DCP1A: variants seen among roughly 807,000 people sequenced by gnomAD.
The protein encoded by DCP1A is decapping mRNA 1A, also known as mRNA-decapping enzyme 1A.
A neutral mutation model predicts 58.0 loss-of-function variants in DCP1A; 20 were observed. The ratio of observed to expected loss-of-function variants is 0.34; its 90% CI spans 0.24 to 0.50. The LOEUF (loss-of-function observed/expected upper bound fraction) is 0.50. Ranked by LOEUF, DCP1A falls within the 20% of genes least tolerant of loss-of-function variation. The pLI is 0.98. For missense variants in DCP1A, 613 were observed against 712.2 expected (o/e 0.86, Z 1.59); for synonymous variants, 285 against 275.1 (o/e 1.04, Z -0.36).
At chr3:53,329,125 T>C (rs563217044) in intron 3 of DCP1A, 1 of 380,966 alleles carries the variant, frequency 2.6e-6, no homozygotes, top group Non-Finnish European at 4.6e-6. Flanking sequence ...GTAAGGAAAT[T>C]TCTTGCGCTG....
intron 4 of DCP1A, among the ~76,000 whole-genome samples, chr3:53,317,274 T>G (rs1461524666): frequency 6.6e-6 from 1 of 152,184 alleles, no homozygotes; most frequent in Non-Finnish European, 1.5e-5. Flanking sequence ...CAAGTGATTC[T>G]CTCGCCTCAG....
chr3:53,337,245 T>G (rs2089133449), intron 3 of DCP1A, among the ~76,000 whole-genome samples: 1 of 152,126 alleles, frequency 6.6e-6, no homozygotes, highest in African/African-American at 2.4e-5. Flanking sequence ...CCTACAACAT[T>G]TGAAAATAAT....
At position 53,342,188 on chromosome 3, in the gene DCP1A, T is replaced by G; in HGVS notation, c.260A>C (p.Glu87Ala). 6.2e-7 allele frequency: 1 copy of G among 1,604,620 alleles called. No homozygotes were observed. Among genetic ancestry groups the G allele is most frequent in the Non-Finnish European group, 8.5e-7 (1 of 1,174,572 alleles). ...AAGAAATGGTTCATGGAGCTGAAATTCCAAATCTTTATTCACTGGTTCAAC... is the reference window on the plus strand; with the variant it reads ...AAGAAATGGTTCATGGAGCTGAAATGCCAAATCTTTATTCACTGGTTCAAC... ...NLVEPVNKDL[E>A]FQLHEPFLLY... The change falls in exon 3 of 10, where the codon GAA becomes GCA. Residue 87 changes from glutamate to alanine, a missense_variant. Glu to Ala is a moderately radical substitution (Grantham distance 107, BLOSUM62 -1). Coordinates refer to ENST00000610213, the MANE Select transcript of DCP1A (RefSeq NM_018403.7).
At chr3:53,309,350 A>T (rs1263524843) in intron 5 of DCP1A, among the ~76,000 whole-genome samples, 2 of 151,264 alleles carry the variant, frequency 1.3e-5, no homozygotes, top group Admixed American at 6.6e-5. Context: ...TAGCCTGGCA[A>T]CAGAGCGAGA....
chr3:53,330,851 T>C (rs1380178323), intron 3 of DCP1A, among the ~76,000 whole-genome samples: 1 of 138,580 alleles, frequency 7.2e-6, no homozygotes, highest in Non-Finnish European at 1.5e-5. Context: ...AGATGGAGTA[T>C]ATGTAATTTT....
At chr3:53,308,456 T>C (rs1488663859) in intron 5 of DCP1A, among the ~76,000 whole-genome samples, 1 of 152,152 alleles carries the variant, frequency 6.6e-6, no homozygotes, top group African/African-American at 2.4e-5. Flanking sequence ...CACACCTGGC[T>C]GATTTTTAAA....
intron 5 of DCP1A, among the ~76,000 whole-genome samples, chr3:53,306,098 T>C (rs192971097): frequency 6.6e-6 from 1 of 152,326 alleles, no homozygotes; most frequent in African/African-American, 2.4e-5. Flanking sequence ...CAGATTTTCT[T>C]GATACCATGC....
intron 3 of DCP1A, among the ~76,000 whole-genome samples, chr3:53,319,881 G>A (rs782323356): frequency 6.6e-6 from 1 of 152,146 alleles, no homozygotes; most frequent in Non-Finnish European, 1.5e-5. Context: ...TGTAATCCCA[G>A]CACTTTGGGA....
chr3:53,287,989 AT>A (rs2106783899), intron 9 of DCP1A, 75 bp downstream of exon 9: 1 of 1,394,332 alleles, frequency 7.2e-7, no homozygotes, highest in East Asian at 2.4e-5. Context: ...TTATGAACTG[AT>A]TCTGTAAGAG....
At chr3:53,288,547 G>A (rs1553685504) in intron 8 of DCP1A, among the ~76,000 whole-genome samples, 1 of 152,150 alleles carries the variant, frequency 6.6e-6, no homozygotes, top group African/African-American at 2.4e-5. Flanking sequence ...ACCACAGTAG[G>A]TAAGAGAAGT....
chr3:53,325,665 A>T (rs1708085810), intron 3 of DCP1A, among the ~76,000 whole-genome samples: 1 of 152,356 alleles, frequency 6.6e-6, no homozygotes, highest in South Asian at 2.1e-4. Context: ...GAAAAGGCAA[A>T]TACCTCTGCC....
At chr3:53,307,512 T>C in intron 5 of DCP1A, among the ~76,000 whole-genome samples, 1 of 152,304 alleles carries the variant, frequency 6.6e-6, no homozygotes, top group East Asian at 1.9e-4. Context: ...GGCATTTGAT[T>C]TGCAATTCTT....
At chr3:53,346,425 A>G (rs1320386426) in intron 1 of DCP1A, among the ~76,000 whole-genome samples, 1 of 152,228 alleles carries the variant, frequency 6.6e-6, no homozygotes, top group Non-Finnish European at 1.5e-5. Context: ...GAGTTCTGTC[A>G]GTTTAAGGAT....
Position 53,292,694 on chromosome 3 carries a change from T to C in DCP1A, c.758A>G (p.Glu253Gly). 6.2e-7 allele frequency: 1 copy of C among 1,613,854 alleles called. No homozygotes were observed. Among genetic ancestry groups the C allele is most frequent in the Non-Finnish European group, 8.5e-7 (1 of 1,179,876 alleles). Residue 253 changes from glutamate (E) to glycine (G), a missense_variant, in exon 7 of 10, where the codon GAG (glutamate) becomes GGG (glycine). Physicochemically the swap from Glu to Gly is moderately conservative, Grantham distance 98. Around this residue, in one of 3 missense-constraint regions of DCP1A, gnomAD observed 498 missense variants for 556.7 expected, o/e 0.89. Coordinates refer to ENST00000610213, the MANE Select transcript of DCP1A (RefSeq NM_018403.7). ...GGGAAATGGTAGGAATGAATTGGGC[T>C]CTTTCTGGGAGGCATCTCCTGGCAA... ...ERLPGDASQKEPNSFLPFPFE... is the reference protein window; with the variant it reads ...ERLPGDASQKGPNSFLPFPFE...
rs782344114 is a variant in DCP1A, at chr3:53,292,632, G to A, written c.820C>T (p.Leu274=). The A allele has an allele frequency of 2.5e-6, 4 of 1,613,580 alleles. No homozygotes were observed. Among genetic ancestry groups the A allele is most frequent in the Non-Finnish European group, 3.4e-6 (4 of 1,179,806 alleles). Residue 274 remains leucine (L), a synonymous_variant, in exon 7 of 10, where the codon CTG becomes TTG. Transcript: ENST00000610213. ...TGGTGGGCAGCAGAAGGGACACCCA[G>A]GGTTTCTGATTGAGGGGCTCCTCCT... The part of the protein sequence containing the change: ...QLGGAPQSET[L]GVPSAAHHSV...
At chr3:53,294,834 C>T (rs894164857) in intron 6 of DCP1A, among the ~76,000 whole-genome samples, 1 of 152,192 alleles carries the variant, frequency 6.6e-6, no homozygotes, top group East Asian at 1.9e-4. Context: ...GTCAGCACTC[C>T]TAACAACATG....
At chr3:53,319,375 C>T in intron 4 of DCP1A, 32 bp downstream of exon 4, 1 of 1,332,498 alleles carries the variant, frequency 7.5e-7, no homozygotes, top group South Asian at 1.4e-5. Context: ...TCTCACATAT[C>T]ATCAGTTAAA....
At chr3:53,339,884 A>G (rs2089173812) in intron 3 of DCP1A, among the ~76,000 whole-genome samples, 1 of 152,202 alleles carries the variant, frequency 6.6e-6, no homozygotes, top group Non-Finnish European at 1.5e-5. Flanking sequence ...TTCACTTAAA[A>G]AAAAATTGGA....
intron 5 of DCP1A, among the ~76,000 whole-genome samples, chr3:53,309,911 A>C (rs1707593977): frequency 6.6e-6 from 1 of 152,248 alleles, no homozygotes; most frequent in South Asian, 2.1e-4. Context: ...CTTGATTGCC[A>C]ATCTTCTGAG....
Sources: gnomAD v4.1 joint callset for allele counts (sites outside exome capture counted in the v4.1 genomes callset) on GRCh38, gnomAD v4.1.1 for gene constraint, gnomAD v4.1.1 regional missense constraint, MANE v1.5 for transcripts, NCBI Gene and HGNC (gene_info 2026-07-23, HGNC 2026-07-21) for gene names.